Variants in FAM228B observed in about 807,000 individuals in gnomAD.
FAM228B encodes protein FAM228B.
In FAM228B, 38 loss-of-function variants were observed where a neutral mutation model predicts 42.6. The ratio of observed to expected loss-of-function variants is 0.89; its 90% CI spans 0.69 to 1.17. The LOEUF (loss-of-function observed/expected upper bound fraction) is 1.17. Among genes scored for constraint, FAM228B ranks in the 50% most tolerant of loss-of-function variants. The pLI is 0.00. For missense variants in FAM228B, 344 were observed against 367.3 expected (o/e 0.94, Z 0.52); for synonymous variants, 109 against 122.3 (o/e 0.89, Z 0.72).
At chr2:24,124,272 A>G in intron 1 of FAM228B, 58 bp from the exon 2 acceptor site, 1 of 878,258 alleles carries the variant, frequency 1.1e-6, no homozygotes, top group Non-Finnish European at 1.8e-6. Context: ...GTGGTATTAA[A>G]CAGAAGAGAA....
chr2:24,165,204 G>A (rs1667375334), intron 9 of FAM228B, among the ~76,000 whole-genome samples: 1 of 152,132 alleles, frequency 6.6e-6, no homozygotes, highest in Non-Finnish European at 1.5e-5. Flanking sequence ...TCAAGCAGCG[G>A]GGCATAAAGA....
intron 2 of FAM228B, among the ~76,000 whole-genome samples, chr2:24,129,131 C>T (rs1666384991): frequency 6.6e-6 from 1 of 151,910 alleles, no homozygotes; most frequent in African/African-American, 2.4e-5. Context: ...TTGTAGCTCT[C>T]CTCCCTCTAG....
At chr2:24,121,052 CA>C, upstream of FAM228B, 4 of 1,402,514 alleles carry the variant, frequency 2.9e-6, no homozygotes, top group Non-Finnish European at 3.9e-6. Context: ...GACAATGGCT[CA>C]AGACATTAAT....
intron 7 of FAM228B, among the ~76,000 whole-genome samples, chr2:24,161,123 T>C (rs1667274979): frequency 6.6e-6 from 1 of 152,286 alleles, no homozygotes; most frequent in African/African-American, 2.4e-5. Context: ...ATATTTCCTA[T>C]ATAAATGTAA....
chr2:24,084,529 G>GCTC lies in FAM228B; in HGVS notation c.-210+3577_-210+3579dup. On this transcript the variant is annotated intron_variant, in intron 2 of 10. Coordinates refer to the FAM228B transcript ENST00000613899. This position sits in a 1 kb window ranked among gnomAD's most constrained non-coding sequence, Gnocchi z 8.4. ...GCCGCGGACCCGGCCTCCGCCCCGA[G>GCTC]CTCCTGCCTGGGAAGTCCTCGGCCG... The GCTC allele has an allele frequency of 1.5e-6, 1 of 670,358 alleles. No individual in the cohort carries two copies. The highest frequency in any genetic ancestry group is 2.5e-5 in the South Asian group (1 of 40,638). 41.5% of individuals were successfully genotyped at this position (670,358 alleles called of 1,614,324 possible).
Position 24,164,222 on chromosome 2 carries a change from AAG to A in FAM228B, c.823_824del (p.Glu275ThrfsTer9), listed in dbSNP as rs1667344335. The A allele has an allele frequency of 6.4e-7, 1 of 1,550,716 alleles. No homozygotes were observed. On this transcript the variant is annotated frameshift_variant, in exon 9 of 11. Coordinates refer to ENST00000615575, the MANE Select transcript of FAM228B (RefSeq NM_001145710.2). LOFTEE classifies it high-confidence loss of function. The stretch of plus-strand genomic sequence containing the variant: ...GAAACAAAGGGTCATCCTTTCTAGA[AAG>A]AGAACCGCTGTGCTATCAGGAGGGA... Reference protein sequence around the residue: ...YKNKGSSFLEREPLCYQEGNN... With the variant: ...YKNKGSSFLEXEPLCYQEGNN...
intron 3 of FAM228B, 65 bp downstream of exon 3, chr2:24,135,252 A>G (rs927739290): frequency 1.3e-5 from 11 of 868,158 alleles, no homozygotes; most frequent in Non-Finnish European, 1.6e-5. Context: ...TTTTATATGT[A>G]GCATATTCTA....
intron 2 of FAM228B, among the ~76,000 whole-genome samples, chr2:24,087,614 T>G: frequency 6.6e-6 from 1 of 151,978 alleles, no homozygotes; most frequent in South Asian, 2.1e-4. Flanking sequence ...AGAATTCTTT[T>G]TTGTTGTTGT....
chr2:24,113,293 C>G (rs1416560997), intron 3 of FAM228B, among the ~76,000 whole-genome samples: 2 of 152,116 alleles, frequency 1.3e-5, no homozygotes, highest in African/African-American at 4.8e-5. Flanking sequence ...GAATCAAAGG[C>G]CAGATGCAGT....
At chr2:24,078,332 T>C (rs756891496) in intron 1 of FAM228B, among the ~76,000 whole-genome samples, 14 of 152,066 alleles carry the variant, frequency 9.2e-5, no homozygotes, top group Non-Finnish European at 1.9e-4. Flanking sequence ...GCCTGGGAGT[T>C]TGAGATCAGC....
intron 2 of FAM228B, 129 bp downstream of exon 2, chr2:24,124,589 A>T: frequency 3.4e-6 from 2 of 584,878 alleles, no homozygotes; most frequent in Non-Finnish European, 5.9e-6. Context: ...TATTCCCTTC[A>T]CTTTACTAAC....
rs181926515 is a variant in FAM228B, at chr2:24,166,242, A to G, written c.933-1385A>G. ...TTCTCCCTCCAGTTCTCTTGTCCAG[A>G]GTCAGCCTCTTAGGAGTGTATTCGA... On this transcript the variant is annotated intron_variant, in intron 9 of 10. Transcript: ENST00000615575. 7.0e-3 allele frequency among the ~76,000 whole-genome samples: 1,063 copies of G among 151,780 alleles called. 8 individuals carry two copies. Among genetic ancestry groups the G allele is most frequent in the African/African-American group, 0.025 (1,024 of 41,372 alleles).
At chr2:24,091,717 T>C (rs1026930793) in intron 2 of FAM228B, among the ~76,000 whole-genome samples, 2 of 152,126 alleles carry the variant, frequency 1.3e-5, no homozygotes, top group African/African-American at 4.8e-5. Flanking sequence ...ATGAAGACTG[T>C]AAAACTATAT....
At chr2:24,142,783 A>G (rs1666787919) in intron 5 of FAM228B, 1 of 152,182 alleles carries the variant, frequency 6.6e-6, no homozygotes, top group Non-Finnish European at 1.5e-5. Context: ...ATTTTGGAAA[A>G]CTCATATTCA....
At chr2:24,120,497 C>T (rs1160875362), upstream of FAM228B, among the ~76,000 whole-genome samples, 1 of 152,134 alleles carries the variant, frequency 6.6e-6, no homozygotes, top group Non-Finnish European at 1.5e-5. Context: ...TAATATAGGG[C>T]ATCCAATGAA....
At chr2:24,096,162 A>C (rs1665493462) in intron 3 of FAM228B, 1 of 152,232 alleles carries the variant, frequency 6.6e-6, no homozygotes, top group Admixed American at 6.5e-5. Context: ...AGATAAAACC[A>C]CAAAGATGGG....
At chr2:24,121,664 T>A (rs1436396427), upstream of FAM228B, among the ~76,000 whole-genome samples, 1 of 152,142 alleles carries the variant, frequency 6.6e-6, no homozygotes, top group Non-Finnish European at 1.5e-5. Context: ...TGGGGCCTAA[T>A]GGGAGGTATT....
chr2:24,079,825 T>A (rs1433653322), intron 1 of FAM228B, among the ~76,000 whole-genome samples: 1 of 152,184 alleles, frequency 6.6e-6, no homozygotes, highest in Non-Finnish European at 1.5e-5. Context: ...ATAGCATGTA[T>A]GAAGTTCACC....
chr2:24,134,076 G>A (rs535795259), intron 2 of FAM228B, among the ~76,000 whole-genome samples: 262 of 152,142 alleles, frequency 1.7e-3, no homozygotes, highest in African/African-American at 6.1e-3. Flanking sequence ...AAATGAATAT[G>A]TTTCCTTTTA....
Sources: allele counts gnomAD v4.1 joint callset (sites outside exome capture counted in the v4.1 genomes callset), GRCh38; gene constraint gnomAD v4.1.1; non-coding constraint Gnocchi (gnomAD v3.1); transcripts MANE v1.5; gene names NCBI Gene and HGNC (gene_info 2026-07-23, HGNC 2026-07-21).